The following NFIC variants were observed in gnomAD, a reference collection of about 807,000 sequenced individuals.
NFIC encodes the protein nuclear factor I C, also known as nuclear factor 1 C-type.
Under a neutral mutation model 54.4 loss-of-function variants are expected in NFIC, and 12 were observed. The observed-to-expected ratio is 0.22, with a 90% CI of 0.14 to 0.36. The LOEUF is 0.36. Among genes scored for constraint, NFIC ranks in the 10% least tolerant of loss-of-function variants. NFIC has a pLI of 1.00. For synonymous variants in NFIC, 322 were observed against 319.2 expected, an observed-to-expected ratio of 1.01 and a Z score of -0.09; for missense variants, 575 against 718.2, an observed-to-expected ratio of 0.80 and a Z score of 2.28.
intron 2 of NFIC, among the ~76,000 whole-genome samples, chr19:3,386,314 CTTTTTTTTTTTTT>C (rs35622819): frequency 5.8e-5 from 4 of 69,068 alleles, no homozygotes; most frequent in Non-Finnish European, 8.9e-5. Flanking sequence ...TGCTGTATGC[CTTTTTTTTTTTTT>C]TTTTTTTTTT....
chr19:3,444,046 G>A (rs1240349233), intron 6 of NFIC, among the ~76,000 whole-genome samples: 1 of 152,210 alleles, frequency 6.6e-6, no homozygotes, highest in Non-Finnish European at 1.5e-5. Context: ...TGGGAGATGG[G>A]CTTGTTTGTT....
At position 3,420,477 on chromosome 19, in the gene NFIC, G is replaced by A. The variant is rs1013416131; in HGVS notation, c.563-4629G>A. On this transcript the variant is annotated intron_variant, in intron 2 of 10. Coordinates refer to ENST00000443272, the MANE Select transcript of NFIC (RefSeq NM_001245002.2). ...TGGGAATTGCTTGAGCCCGGGAGGCGGAGATTGCAATGAGCTGGATCGTGC... is the reference window on the plus strand; with the variant it reads ...TGGGAATTGCTTGAGCCCGGGAGGCAGAGATTGCAATGAGCTGGATCGTGC... Among the ~76,000 whole-genome samples the A allele has an allele frequency of 7.2e-5, 11 of 151,974 alleles. 2 individuals are homozygous for A. Among genetic ancestry groups the A allele is most frequent in the Non-Finnish European group, 2.9e-5 (2 of 68,004 alleles).
intron 2 of NFIC, among the ~76,000 whole-genome samples, chr19:3,398,206 G>T (rs1203464426): frequency 3.3e-5 from 5 of 152,168 alleles, no homozygotes; most frequent in Admixed American, 3.3e-4. Flanking sequence ...AGAATGAGGC[G>T]ATGGCTGTCT....
At chr19:3,417,441 A>C (rs1429811965) in intron 2 of NFIC, among the ~76,000 whole-genome samples, 1 of 152,044 alleles carries the variant, frequency 6.6e-6, no homozygotes, top group Non-Finnish European at 1.5e-5. Context: ...CAGCACAGTA[A>C]AAACTCAGCA....
intron 2 of NFIC, among the ~76,000 whole-genome samples, chr19:3,392,429 C>G (rs1229392610): frequency 6.6e-6 from 1 of 152,220 alleles, no homozygotes; most frequent in Non-Finnish European, 1.5e-5. Flanking sequence ...GTGCTGGGAA[C>G]TGGTAGGCTC....
intron 2 of NFIC, among the ~76,000 whole-genome samples, chr19:3,413,953 G>C (rs1431266391): frequency 6.6e-6 from 1 of 151,994 alleles, no homozygotes; most frequent in Non-Finnish European, 1.5e-5. Context: ...TTTCTGACTT[G>C]TTCATTTCCT....
intron 2 of NFIC, among the ~76,000 whole-genome samples, chr19:3,416,138 G>A (rs948983651): frequency 2.7e-5 from 4 of 150,590 alleles, no homozygotes; most frequent in South Asian, 2.1e-4. Flanking sequence ...CCTCCATCCC[G>A]GGCCACAGAG....
chr19:3,454,113 A>G (rs1291346715), intron 9 of NFIC, 197 bp downstream of exon 9: 3 of 1,348,788 alleles, frequency 2.2e-6, no homozygotes, highest in Non-Finnish European at 2.8e-6. Context: ...GGCTGGCCGG[A>G]CCAAGCCTCG....
chr19:3,419,508 C>A (rs2081919644), intron 2 of NFIC, among the ~76,000 whole-genome samples: 1 of 152,026 alleles, frequency 6.6e-6, no homozygotes, highest in African/African-American at 2.4e-5. Flanking sequence ...GTGGCTCACA[C>A]CTGTAATCCC....
At chr19:3,431,739 C>T (rs1052283666) in intron 3 of NFIC, among the ~76,000 whole-genome samples, 3 of 151,652 alleles carry the variant, frequency 2.0e-5, no homozygotes, top group African/African-American at 7.3e-5. Context: ...CCTGAGCTCA[C>T]GAGATCCACC....
chr19:3,365,102 T>G (rs904346310), upstream of NFIC, among the ~76,000 whole-genome samples: 1 of 152,188 alleles, frequency 6.6e-6, no homozygotes, highest in Non-Finnish European at 1.5e-5. Flanking sequence ...TTCTGCTCCC[T>G]CCTAGTTTAC....
chr19:3,409,250 G>T (rs1234264662), intron 2 of NFIC, among the ~76,000 whole-genome samples: 2 of 152,158 alleles, frequency 1.3e-5, no homozygotes, highest in South Asian at 4.2e-4. Flanking sequence ...CGTGGACCTT[G>T]CCCTTGTCAC....
intron 2 of NFIC, among the ~76,000 whole-genome samples, chr19:3,423,649 G>A (rs956511748): frequency 2.0e-5 from 3 of 152,270 alleles, no homozygotes; most frequent in South Asian, 2.1e-4. Flanking sequence ...TGCCAGAGCC[G>A]ATAACGCTGA....
intron 1 of NFIC, among the ~76,000 whole-genome samples, chr19:3,379,497 C>T (rs1333275962): frequency 2.0e-5 from 3 of 151,884 alleles, no homozygotes; most frequent in Non-Finnish European, 4.4e-5. Context: ...AGGCGTGTGC[C>T]ACCATGCCCA....
intron 2 of NFIC, among the ~76,000 whole-genome samples, chr19:3,402,268 C>G (rs189725411): frequency 6.6e-6 from 1 of 152,214 alleles, no homozygotes; most frequent in Admixed American, 6.5e-5. Context: ...AGGCAAGTCT[C>G]GAATGCCTGA....
intron 6 of NFIC, among the ~76,000 whole-genome samples, chr19:3,448,513 A>G (rs1184794673): frequency 1.3e-5 from 2 of 152,146 alleles, no homozygotes; most frequent in Admixed American, 6.5e-5. Flanking sequence ...AAGTCACTGC[A>G]GAGGGGGGAT....
chr19:3,378,720 C>T (rs555228115), intron 1 of NFIC, among the ~76,000 whole-genome samples: 104 of 152,298 alleles, frequency 6.8e-4, no homozygotes, highest in South Asian at 3.3e-3. Flanking sequence ...TCCCAGCCCT[C>T]GGATTTTCCA....
intron 3 of NFIC, among the ~76,000 whole-genome samples, chr19:3,426,150 G>C (rs994646597): frequency 2.7e-5 from 4 of 150,392 alleles, no homozygotes; most frequent in Non-Finnish European, 5.9e-5. Flanking sequence ...GGCCAGGCTG[G>C]TCTCAAACTC....
upstream of NFIC, among the ~76,000 whole-genome samples, chr19:3,362,812 G>A (rs149739738): frequency 1.3e-4 from 20 of 152,272 alleles, no homozygotes; most frequent in East Asian, 3.5e-3. Flanking sequence ...GGCTAGGGGA[G>A]GCTGACTGCA....
Sources: allele counts gnomAD v4.1 joint callset (sites outside exome capture counted in the v4.1 genomes callset), GRCh38; gene constraint gnomAD v4.1.1; transcripts MANE v1.5; gene names NCBI Gene and HGNC (gene_info 2026-07-23, HGNC 2026-07-21).